The following AKAP19 variants were observed in gnomAD, a reference collection of about 807,000 sequenced individuals.
AKAP19 encodes A-kinase anchoring protein 19.
chr2:190,195,747 GT>G, the AKAP19 span, among the ~76,000 whole-genome samples: 2 of 152,144 alleles, frequency 1.3e-5, no homozygotes, highest in Non-Finnish European at 2.9e-5. Flanking sequence ...AAACAGAGCA[GT>G]TTTTTAGTGA....
chr2:190,086,235 T>C, the AKAP19 span, among the ~76,000 whole-genome samples: 5 of 152,250 alleles, frequency 3.3e-5, no homozygotes, highest in African/African-American at 1.2e-4. Context: ...TTGTACAATG[T>C]AATGACAAAA....
At chr2:190,015,253 C>T in the AKAP19 span, among the ~76,000 whole-genome samples, 3 of 152,210 alleles carry the variant, frequency 2.0e-5, no homozygotes, top group Non-Finnish European at 4.4e-5. Context: ...GACATCCAGG[C>T]ATTTCCATAC....
the AKAP19 span, among the ~76,000 whole-genome samples, chr2:190,188,392 G>T: frequency 6.6e-6 from 1 of 152,132 alleles, no homozygotes; most frequent in Admixed American, 6.6e-5. Flanking sequence ...ATGACAAGAA[G>T]GCCAAAACAC....
chr2:190,133,755 A>T, the AKAP19 span, among the ~76,000 whole-genome samples: 2 of 152,220 alleles, frequency 1.3e-5, no homozygotes. Flanking sequence ...CAAAAACTAC[A>T]TGATCTCACT....
chr2:189,952,249 T>A, the AKAP19 span, among the ~76,000 whole-genome samples: 1 of 152,212 alleles, frequency 6.6e-6, no homozygotes, highest in Non-Finnish European at 1.5e-5. Flanking sequence ...CTCTGTCTTA[T>A]GTTAGTTTAA....
At chr2:190,128,807 A>T in the AKAP19 span, among the ~76,000 whole-genome samples, 1 of 152,220 alleles carries the variant, frequency 6.6e-6, no homozygotes, top group South Asian at 2.1e-4. Flanking sequence ...CTCTAATAGT[A>T]TAAAAACCTA....
chr2:190,126,058 C>G, the AKAP19 span, among the ~76,000 whole-genome samples: 1 of 151,372 alleles, frequency 6.6e-6, no homozygotes, highest in Non-Finnish European at 1.5e-5. Context: ...TTTGGGAGGC[C>G]GAGGTGGGCA....
At chr2:190,157,393 C>T in the AKAP19 span, among the ~76,000 whole-genome samples, 19 of 149,344 alleles carry the variant, frequency 1.3e-4, no homozygotes, top group Admixed American at 2.7e-4. Flanking sequence ...CACACACACA[C>T]ATATCACAGG....
the AKAP19 span, chr2:190,057,474 A>C: frequency 6.2e-7 from 1 of 1,613,580 alleles, no homozygotes; most frequent in Non-Finnish European, 8.5e-7. Flanking sequence ...AATTGGCCTT[A>C]TATCTTTTAG....
chr2:189,897,940 G>A, the AKAP19 span, among the ~76,000 whole-genome samples: 4 of 152,154 alleles, frequency 2.6e-5, no homozygotes, highest in Non-Finnish European at 5.9e-5. Context: ...TGGCCTCAGT[G>A]GTTCACACTT....
chr2:190,164,349 A>G, the AKAP19 span, among the ~76,000 whole-genome samples: 1 of 152,124 alleles, frequency 6.6e-6, no homozygotes, highest in Non-Finnish European at 1.5e-5. Flanking sequence ...AGCCCGGGAA[A>G]CATGGTGAAA....
At chr2:189,959,381 T>C in the AKAP19 span, among the ~76,000 whole-genome samples, 2 of 152,192 alleles carry the variant, frequency 1.3e-5, no homozygotes, top group Non-Finnish European at 2.9e-5. Flanking sequence ...ATTAGAAATA[T>C]TCCAAATAAT....
chr2:189,966,710 T>C, the AKAP19 span, among the ~76,000 whole-genome samples: 3 of 152,204 alleles, frequency 2.0e-5, no homozygotes, highest in African/African-American at 7.2e-5. Context: ...GATTAGTAGA[T>C]TGTATCAATG....
the AKAP19 span, among the ~76,000 whole-genome samples, chr2:189,926,060 C>A: frequency 1.3e-5 from 2 of 152,110 alleles, no homozygotes; most frequent in African/African-American, 4.8e-5. Context: ...AATCTAGATA[C>A]TTTTTCTTTA....
At chr2:190,151,728 A>G in the AKAP19 span, among the ~76,000 whole-genome samples, 3 of 151,662 alleles carry the variant, frequency 2.0e-5, no homozygotes, top group African/African-American at 7.3e-5. Flanking sequence ...CAGGCCGGGC[A>G]TAGTGGCTCA....
the AKAP19 span, chr2:189,930,309 TG>T: frequency 3.1e-6 from 2 of 639,686 alleles, no homozygotes; most frequent in Non-Finnish European, 4.7e-6. Context: ...ACTGGCTCCA[TG>T]GAGGAGGGGC....
the AKAP19 span, among the ~76,000 whole-genome samples, chr2:190,060,776 A>G: frequency 6.6e-6 from 1 of 151,996 alleles, no homozygotes; most frequent in Admixed American, 6.6e-5. Flanking sequence ...CTGTGGAGGA[A>G]CAACCACTTA....
the AKAP19 span, among the ~76,000 whole-genome samples, chr2:190,169,717 C>CGGGTT: frequency 6.6e-6 from 1 of 152,164 alleles, no homozygotes; most frequent in Non-Finnish European, 1.5e-5. Context: ...TTTGGGGACT[C>CGGGTT]GGGTTAGCAT....
the AKAP19 span, among the ~76,000 whole-genome samples, chr2:190,074,203 A>T: frequency 6.6e-6 from 1 of 152,184 alleles, no homozygotes; most frequent in Non-Finnish European, 1.5e-5. Flanking sequence ...GTACTTTCCA[A>T]TTCAAACATC....
Sources: allele counts gnomAD v4.1 joint callset (sites outside exome capture counted in the v4.1 genomes callset), GRCh38; gene constraint gnomAD v4.1.1; transcripts MANE v1.5; gene names NCBI Gene and HGNC (gene_info 2026-07-23, HGNC 2026-07-21).